Variants in YPEL2 observed in about 807,000 individuals in gnomAD.
YPEL2 encodes the protein yippee like 2.
A neutral mutation model predicts 19.1 loss-of-function variants in YPEL2; 2 were observed. The ratio of observed to expected loss-of-function variants is 0.10; its 90% CI spans 0.04 to 0.33. The LOEUF is 0.33. Ranked by LOEUF, YPEL2 falls within the 10% of genes least tolerant of loss-of-function variation. The probability of loss-of-function intolerance (pLI) is 1.00; values close to 1 mark genes in which losing one functional copy is unlikely to be tolerated. For missense variants in YPEL2, 66 were observed against 140.7 expected, an observed-to-expected ratio of 0.47 and a Z score of 2.68; for synonymous variants, 52 against 50.0, an observed-to-expected ratio of 1.04 and a Z score of -0.17.
At chr17:59,375,041 A>C (rs1253199354) in intron 2 of YPEL2, among the ~76,000 whole-genome samples, 1 of 152,204 alleles carries the variant, frequency 6.6e-6, no homozygotes, top group African/African-American at 2.4e-5. Context: ...CTCAGCTCAC[A>C]TAAGGAATTT....
chr17:59,396,480 G>A (rs2048039846), intron 4 of YPEL2, among the ~76,000 whole-genome samples: 2 of 152,272 alleles, frequency 1.3e-5, no homozygotes, highest in Admixed American at 1.3e-4. Flanking sequence ...TGGAGTGGAA[G>A]TTGGATTTTA....
intron 2 of YPEL2, among the ~76,000 whole-genome samples, chr17:59,372,719 G>A (rs989078003): frequency 4.6e-5 from 7 of 152,194 alleles, no homozygotes; most frequent in Admixed American, 2.6e-4. Context: ...CCTAAGAGAG[G>A]CAGGAGCCTT....
At chr17:59,383,913 C>G (rs2047967388) in intron 2 of YPEL2, among the ~76,000 whole-genome samples, 1 of 151,868 alleles carries the variant, frequency 6.6e-6, no homozygotes, top group African/African-American at 2.4e-5. Flanking sequence ...TATCCGGTCA[C>G]CATTTGAGAC....
chr17:59,344,587 G>A (rs1390670165), intron 1 of YPEL2, among the ~76,000 whole-genome samples: 3 of 152,024 alleles, frequency 2.0e-5, no homozygotes, highest in African/African-American at 2.4e-5. Flanking sequence ...GCGAAACCCC[G>A]TCTCTACTAA....
rs556341136 is a variant in YPEL2, at chr17:59,400,731, T to C, written c.*3541T>C. 1.3e-5 allele frequency: 2 copies of C among 152,742 alleles called. No individual in the cohort carries two copies. The highest frequency in any genetic ancestry group is 4.8e-5 in the African/African-American group (2 of 41,570). 9.5% of individuals were successfully genotyped at this position (152,742 alleles called of 1,614,324 possible). ...TTCCAACAAATCAGAATCACGTTTT[T>C]AGTTGTGCGTGTGCGCGCACACGTG... On this transcript the variant is annotated 3_prime_UTR_variant, in exon 5 of 5. Transcript: ENST00000312655.
intron 2 of YPEL2, chr17:59,363,062 TG>T (rs1224313072): frequency 6.6e-6 from 1 of 152,202 alleles, no homozygotes; most frequent in Admixed American, 6.5e-5. Context: ...GGTTGTTTGG[TG>T]TTGTAACAAA....
At chr17:59,389,323 C>T (rs1272751208) in intron 3 of YPEL2, 37 bp from the exon 4 acceptor site, 2 of 1,572,162 alleles carry the variant, frequency 1.3e-6, no homozygotes, top group Non-Finnish European at 1.7e-6. Context: ...GTGCGTGTCA[C>T]TAACTACCCA....
intron 1 of YPEL2, among the ~76,000 whole-genome samples, chr17:59,338,742 C>A (rs528843669): frequency 2.0e-5 from 3 of 152,304 alleles, no homozygotes; most frequent in South Asian, 2.1e-4. Context: ...GAGCACTGCA[C>A]AATGGCTAAT....
chr17:59,337,866 G>A (rs915325128), intron 1 of YPEL2, among the ~76,000 whole-genome samples: 1 of 152,184 alleles, frequency 6.6e-6, no homozygotes, highest in Admixed American at 6.5e-5. Context: ...AGGGCAAAGC[G>A]GAAGCTATAA....
chr17:59,343,598 G>A (rs1415169427), intron 1 of YPEL2, among the ~76,000 whole-genome samples: 1 of 152,132 alleles, frequency 6.6e-6, no homozygotes, highest in Non-Finnish European at 1.5e-5. Flanking sequence ...GAAGGGTAGG[G>A]TAAGGCATTA....
chr17:59,341,323 CG>C (rs1402223743), intron 1 of YPEL2, among the ~76,000 whole-genome samples: 1 of 151,436 alleles, frequency 6.6e-6, no homozygotes, highest in African/African-American at 2.4e-5. Flanking sequence ...ACCCGGGAGG[CG>C]GAGCTTGCAA....
chr17:59,400,892 A>T lies in YPEL2; in HGVS notation c.*3702A>T. ...CTGTTTCTGAGTGGACCAACAGCAG[A>T]ACCCACGAGGATTTGTTTTGAGTAT... On this transcript the variant is annotated 3_prime_UTR_variant, in exon 5 of 5. Coordinates refer to ENST00000312655, the MANE Select transcript of YPEL2 (RefSeq NM_001005404.4). 6.6e-6 allele frequency: 1 copy of T among 152,490 alleles called. No homozygotes were observed. 9.4% of individuals were successfully genotyped at this position (152,490 alleles called of 1,614,324 possible).
chr17:59,390,402 A>C (rs1451743303), intron 4 of YPEL2, among the ~76,000 whole-genome samples: 1 of 152,174 alleles, frequency 6.6e-6, no homozygotes, highest in African/African-American at 2.4e-5. Context: ...TTGGCCTCCC[A>C]AAGTGCTGGG....
At chr17:59,394,009 G>A (rs570286644) in intron 4 of YPEL2, among the ~76,000 whole-genome samples, 3 of 152,294 alleles carry the variant, frequency 2.0e-5, no homozygotes, top group Admixed American at 2.0e-4. Context: ...ATCATGGCCC[G>A]TTCTCAATGA....
At position 59,397,289 on chromosome 17, in the gene YPEL2, T is replaced by G; in HGVS notation, c.*99T>G. On this transcript the variant is annotated 3_prime_UTR_variant, in exon 5 of 5. Coordinates refer to ENST00000312655, the MANE Select transcript of YPEL2 (RefSeq NM_001005404.4). ...GTGACTGACACTTGGTTCCATCCAT[T>G]TAGGGGCCTTGCCATCCGGGGCATC... 1 of 935,630 alleles carries G rather than the reference T, an allele frequency of 1.1e-6. No individual in the cohort carries two copies. Among genetic ancestry groups the G allele is most frequent in the Non-Finnish European group, 1.5e-6 (1 of 654,184 alleles). The allele number at this position is 935,630 out of a possible 1,614,324, so 58.0% of individuals were successfully genotyped here. A position where few individuals can be genotyped will look rare whatever the true frequency, so the allele number is the denominator to read the frequency against.
At chr17:59,333,679 A>G (rs562200007) in intron 1 of YPEL2, among the ~76,000 whole-genome samples, 10 of 152,312 alleles carry the variant, frequency 6.6e-5, no homozygotes, top group African/African-American at 2.4e-4. Context: ...TTCCTGACCA[A>G]GCAGGTCCTG....
rs1046784256 is a variant in YPEL2 at position 59,374,337 on chromosome 17, G to A, written c.118-13990G>A. On this transcript the variant is annotated intron_variant, in intron 2 of 4. Transcript: ENST00000312655. ...CATGTCTCTTTCATAAGGCTCTTTG[G>A]CTAGGAGTTCTTCAGTCCCCACCAT... Among the ~76,000 whole-genome samples the A allele has an allele frequency of 6.6e-5, 10 of 152,256 alleles. 1 individual carries two copies. The highest frequency in any genetic ancestry group is 3.9e-4 in the East Asian group (2 of 5,172).
chr17:59,342,416 C>T lies in YPEL2; in HGVS notation c.-196+10592C>T, dbSNP rs141517070. On this transcript the variant is annotated intron_variant, in intron 1 of 4. Transcript: ENST00000312655. ...GGAGCCTGACTTAGTTGGGGCTGGACGAGGCCAGGGGGAGGGTTCCCTGGT... is the reference window on the plus strand; with the variant it reads ...GGAGCCTGACTTAGTTGGGGCTGGATGAGGCCAGGGGGAGGGTTCCCTGGT... 9.0e-4 allele frequency among the ~76,000 whole-genome samples: 137 copies of T among 152,164 alleles called. 1 individual carries two copies. Among genetic ancestry groups the T allele is most frequent in the Non-Finnish European group, 1.8e-3 (120 of 67,998 alleles).
At chr17:59,385,217 G>C (rs1171080740) in intron 2 of YPEL2, among the ~76,000 whole-genome samples, 1 of 152,172 alleles carries the variant, frequency 6.6e-6, no homozygotes, top group Non-Finnish European at 1.5e-5. Context: ...GAATTGTGCT[G>C]AGTGAAAAAA....
Sources: gnomAD v4.1 joint callset for allele counts (sites outside exome capture counted in the v4.1 genomes callset) on GRCh38, gnomAD v4.1.1 for gene constraint, MANE v1.5 for transcripts, NCBI Gene and HGNC (gene_info 2026-07-23, HGNC 2026-07-21) for gene names.